Variants in ISY1 observed in about 807,000 individuals in gnomAD.
The protein encoded by ISY1 is pre-mRNA-splicing factor ISY1 homolog.
Under a neutral mutation model 54.4 loss-of-function variants are expected in ISY1, and 12 were observed. The ratio of observed to expected loss-of-function variants is 0.22; its 90% confidence interval spans 0.14 to 0.36. The LOEUF is 0.36. Ranked by LOEUF, ISY1 falls within the 10% of genes least tolerant of loss-of-function variation. ISY1 has a pLI of 1.00. For synonymous variants in ISY1, 96 were observed against 117.9 expected, an observed-to-expected ratio of 0.81 and a Z score of 1.20; for missense variants, 282 against 342.2, an observed-to-expected ratio of 0.82 and a Z score of 1.39.
chr3:129,139,182 G>A (rs987978659), intron 7 of ISY1, among the ~76,000 whole-genome samples: 1 of 151,972 alleles, frequency 6.6e-6, no homozygotes. Flanking sequence ...TGATTCTCCC[G>A]CCTCAGGCTC....
At chr3:129,159,040 G>T in intron 2 of ISY1, 114 bp downstream of exon 2, 1 of 1,360,070 alleles carries the variant, frequency 7.4e-7, no homozygotes, top group Non-Finnish European at 1.0e-6. Flanking sequence ...CATATGTAAA[G>T]AAAGAAACAG....
chr3:129,137,863 C>T (rs535978670), intron 7 of ISY1, among the ~76,000 whole-genome samples: 41 of 139,862 alleles, frequency 2.9e-4, no homozygotes, highest in African/African-American at 1.0e-3. Flanking sequence ...AGCAGTGTGC[C>T]GAGATCGCAT....
At chr3:129,160,918 G>GGCCCGGGGGGGGGGGGGGGGCCCCCC in intron 1 of ISY1, 55 bp downstream of exon 1, 1 of 666,128 alleles carries the variant, frequency 1.5e-6, no homozygotes, top group Non-Finnish European at 2.7e-6. Flanking sequence ...TGGACTGGGC[G>GGCCCGGGGGGGGGGGGGGGGCCCCCC]CCCCCCCGCC....
chr3:129,149,788 C>CAAAAA (rs369302599), intron 5 of ISY1, among the ~76,000 whole-genome samples: 2 of 83,572 alleles, frequency 2.4e-5, no homozygotes, highest in African/African-American at 9.4e-5. Flanking sequence ...GACTCCAACT[C>CAAAAA]AAAAAAAAAA....
rs1936190397 is a variant in ISY1 at position 129,129,910 on chromosome 3, C to CA, written c.*170_*171insT. 2.0e-6 allele frequency: 1 copy of CA among 501,860 alleles called. No individual in the cohort carries two copies. Among genetic ancestry groups the CA allele is most frequent in the Non-Finnish European group, 3.5e-6 (1 of 287,096 alleles). 31.1% of individuals were successfully genotyped at this position (501,860 alleles called of 1,614,324 possible). Reference sequence around the variant, plus strand: ...TAGCAAAATATGTGTACAAAACCTACCAGGAAGACCAGGGACAGACCCCTA... The same window carrying CA: ...TAGCAAAATATGTGTACAAAACCTACACAGGAAGACCAGGGACAGACCCCTA... On this transcript the variant is annotated 3_prime_UTR_variant, in exon 11 of 11. Coordinates refer to ENST00000393295, the MANE Select transcript of ISY1 (RefSeq NM_020701.4).
intron 3 of ISY1, among the ~76,000 whole-genome samples, chr3:129,157,403 A>G (rs995758814): frequency 3.9e-5 from 6 of 152,114 alleles, no homozygotes; most frequent in Non-Finnish European, 5.9e-5. Flanking sequence ...TCCCTATTCA[A>G]TATTAGAGCT....
At chr3:129,154,720 G>A (rs1318564372) in intron 5 of ISY1, among the ~76,000 whole-genome samples, 4 of 134,464 alleles carry the variant, frequency 3.0e-5, no homozygotes, top group African/African-American at 5.4e-5. Flanking sequence ...ACAGAGTCTC[G>A]CTCTGTCTCC....
chr3:129,160,917 C>T, intron 1 of ISY1, 56 bp downstream of exon 1: 2 of 668,468 alleles, frequency 3.0e-6, no homozygotes, highest in Non-Finnish European at 5.5e-6. Flanking sequence ...GTGGACTGGG[C>T]GCCCCCCCGC....
chr3:129,135,098 T>G, intron 7 of ISY1, 144 bp from the exon 8 acceptor site: 1 of 1,187,704 alleles, frequency 8.4e-7, no homozygotes, highest in South Asian at 1.6e-5. Context: ...CTTGTAATCC[T>G]AGCGCTTTGG....
intron 7 of ISY1, among the ~76,000 whole-genome samples, chr3:129,140,101 T>C (rs1936563265): frequency 6.6e-6 from 1 of 152,210 alleles, no homozygotes; most frequent in Non-Finnish European, 1.5e-5. Flanking sequence ...GGAAACTCCT[T>C]GTCCAGACTG....
intron 3 of ISY1, 111 bp downstream of exon 3, chr3:129,158,397 G>T: frequency 6.8e-7 from 1 of 1,461,856 alleles, no homozygotes; most frequent in South Asian, 1.2e-5. Context: ...AGACTCAAGT[G>T]ATCCACCCAC....
At chr3:129,160,466 A>G (rs1440040470) in intron 1 of ISY1, among the ~76,000 whole-genome samples, 1 of 152,020 alleles carries the variant, frequency 6.6e-6, no homozygotes, top group African/African-American at 2.4e-5. Context: ...TATGCCATTC[A>G]TTTATTCAAT....
chr3:129,152,285 A>AG (rs1195765169), intron 5 of ISY1, among the ~76,000 whole-genome samples: 1 of 152,182 alleles, frequency 6.6e-6, no homozygotes, highest in Non-Finnish European at 1.5e-5. Flanking sequence ...TAGATCATAC[A>AG]GTTTTTCTTC....
chr3:129,154,440 A>AAC (rs1937073012), intron 5 of ISY1, among the ~76,000 whole-genome samples: 1 of 77,960 alleles, frequency 1.3e-5, no homozygotes, highest in Admixed American at 1.4e-4. Flanking sequence ...ACTCCATCTC[A>AAC]AAAAAAAAAA....
At position 129,154,364 on chromosome 3, in the gene ISY1, T is replaced by C. The variant is rs534366489; in HGVS notation, c.187+2269A>G. ...CCAGGGAGGTGAACCCAGGGAGAAA[T>C]TGCTTGAACCCAGTGCAGTGAGCCG... On this transcript the variant is annotated intron_variant, in intron 5 of 10. Transcript: ENST00000393295. Among the ~76,000 whole-genome samples the C allele has an allele frequency of 2.0e-4, 29 of 143,546 alleles. No homozygotes were observed. In the East Asian group the frequency reaches 2.7e-3, roughly 14 times the overall value. 94.2% of individuals were successfully genotyped at this position (143,546 alleles called of 152,430 possible).
chr3:129,143,384 T>C (rs1459244197), intron 6 of ISY1, among the ~76,000 whole-genome samples: 1 of 151,300 alleles, frequency 6.6e-6, no homozygotes, highest in East Asian at 1.9e-4. Flanking sequence ...CGCACACCTA[T>C]AATCTCAGCT....
intron 8 of ISY1, 62 bp from the exon 9 acceptor site, chr3:129,134,257 AG>A: frequency 6.2e-7 from 1 of 1,609,016 alleles, no homozygotes; most frequent in South Asian, 1.1e-5. Context: ...AACACTATGC[AG>A]GGAAAGGCCA....
At chr3:129,135,100 G>A (rs1021032095) in intron 7 of ISY1, 146 bp from the exon 8 acceptor site, 1 of 1,177,782 alleles carries the variant, frequency 8.5e-7, no homozygotes, top group Admixed American at 3.4e-5. Context: ...TGTAATCCTA[G>A]CGCTTTGGGA....
chr3:129,145,687 GGC>G, intron 6 of ISY1, 72 bp downstream of exon 6: 1 of 1,444,264 alleles, frequency 6.9e-7, no homozygotes, highest in Non-Finnish European at 9.6e-7. Context: ...CGACTACTAT[GGC>G]AAGAATGAGC....
Sources: gnomAD v4.1 joint callset for allele counts (sites outside exome capture counted in the v4.1 genomes callset) on GRCh38, gnomAD v4.1.1 for gene constraint, MANE v1.5 for transcripts, NCBI Gene and HGNC (gene_info 2026-07-23, HGNC 2026-07-21) for gene names.